SLC6A11: variants seen among roughly 807,000 people sequenced by gnomAD.
SLC6A11 encodes solute carrier family 6 member 11.
SLC6A11 carries 25 observed loss-of-function variants against 74.8 expected under a neutral mutation model. The observed-to-expected ratio is 0.33, with a 90% CI of 0.24 to 0.47. The LOEUF is 0.47. Among genes scored for constraint, SLC6A11 ranks in the 20% least tolerant of loss-of-function variants. SLC6A11 has a pLI of 1.00. For missense variants in SLC6A11, 574 were observed against 837.0 expected (o/e 0.69, Z 3.88); for synonymous variants, 330 against 330.2 (o/e 1.00, Z 0.01).
chr3:10,877,199 T>C lies in SLC6A11; in HGVS notation c.891+2104T>C, dbSNP rs138021618. On this transcript the variant is annotated intron_variant, in intron 6 of 13. Transcript: ENST00000254488. Reference sequence around the variant, plus strand: ...GCTGTTCTAGCACTCAAAGGCAGAGTTGAGTAGTTGAGACAGAAACCCTAT... The same window carrying C: ...GCTGTTCTAGCACTCAAAGGCAGAGCTGAGTAGTTGAGACAGAAACCCTAT... 9.6e-4 allele frequency among the ~76,000 whole-genome samples: 146 copies of C among 152,206 alleles called. 1 individual carries two copies. The Middle Eastern group carries it at 0.014, about 14-fold the overall frequency.
At position 10,915,489 on chromosome 3, in the gene SLC6A11, A is replaced by G. The variant is rs1695442593; in HGVS notation, c.996-2840A>G. Among the ~76,000 whole-genome samples the G allele has an allele frequency of 6.6e-6, 1 of 152,222 alleles. No individual in the cohort carries two copies. The highest frequency in any genetic ancestry group is 2.4e-5 in the African/African-American group (1 of 41,462). On this transcript the variant is annotated intron_variant, in intron 7 of 13. Transcript: ENST00000254488. This position sits in a 1 kb window ranked among gnomAD's most constrained non-coding sequence, Gnocchi z 4.3. ...TAGTACCCTCTCTCCTGACAGCATA[A>G]TAGCTTCTGGAGGTCTTAAAAGCCC...
chr3:10,898,089 C>A (rs908755155), intron 6 of SLC6A11, among the ~76,000 whole-genome samples: 1 of 152,156 alleles, frequency 6.6e-6, no homozygotes, highest in Non-Finnish European at 1.5e-5. Flanking sequence ...GGCTGGGACA[C>A]AAGGCACCAT....
At chr3:10,865,227 A>G (rs1301682632) in intron 5 of SLC6A11, among the ~76,000 whole-genome samples, 2 of 152,250 alleles carry the variant, frequency 1.3e-5, no homozygotes, top group African/African-American at 2.4e-5. Context: ...TGAAATAGGC[A>G]TTATCCTCAT....
At chr3:10,932,453 C>CT (rs937097651) in intron 10 of SLC6A11, among the ~76,000 whole-genome samples, 2 of 152,174 alleles carry the variant, frequency 1.3e-5, no homozygotes, top group African/African-American at 4.8e-5. Context: ...CCACTCCCCT[C>CT]TTTTTTTAAT....
intron 3 of SLC6A11, among the ~76,000 whole-genome samples, chr3:10,821,103 A>G (rs570786468): frequency 2.9e-4 from 44 of 152,148 alleles, no homozygotes; most frequent in Admixed American, 4.6e-4. Context: ...TTAGGGCCCT[A>G]GTTTTTAACC....
At chr3:10,898,083 G>A (rs1304502393) in intron 6 of SLC6A11, among the ~76,000 whole-genome samples, 1 of 152,188 alleles carries the variant, frequency 6.6e-6, no homozygotes, top group Admixed American at 6.5e-5. Flanking sequence ...TGGAGTGGCT[G>A]GGACACAAGG....
chr3:10,905,204 G>C (rs926649162), intron 6 of SLC6A11, among the ~76,000 whole-genome samples: 6 of 152,228 alleles, frequency 3.9e-5, no homozygotes, highest in Non-Finnish European at 7.3e-5. Flanking sequence ...CTGTGTTCAT[G>C]TCATTTATTT....
At chr3:10,871,799 T>A (rs966253773) in intron 5 of SLC6A11, among the ~76,000 whole-genome samples, 13 of 152,342 alleles carry the variant, frequency 8.5e-5, no homozygotes, top group Admixed American at 5.9e-4. Context: ...TTGTGTTGAT[T>A]ACTTGACATG....
At chr3:10,818,728 T>C (rs561887817) in intron 1 of SLC6A11, among the ~76,000 whole-genome samples, 4 of 152,292 alleles carry the variant, frequency 2.6e-5, no homozygotes, top group Admixed American at 2.6e-4. Context: ...TTTGGAAAAA[T>C]CCCCATTCTG....
chr3:10,838,709 A>T (rs1473909167), intron 4 of SLC6A11, among the ~76,000 whole-genome samples: 2 of 152,194 alleles, frequency 1.3e-5, no homozygotes, highest in African/African-American at 4.8e-5. Flanking sequence ...AGATTGTACC[A>T]CTGCACCCCA....
intron 6 of SLC6A11, among the ~76,000 whole-genome samples, chr3:10,892,090 AAG>A (rs1337111396): frequency 1.3e-5 from 2 of 152,246 alleles, no homozygotes; most frequent in Non-Finnish European, 2.9e-5. Flanking sequence ...ACAGCTTTGT[AAG>A]AGAGCAGGAA....
chr3:10,816,570 G>C lies in SLC6A11; in HGVS notation c.256+49G>C. ...GGAGGGGGCGCCAACCGCCCGGTGG[G>C]GGCGGGGAGCCAGGGGCGAGCGCGA... On this transcript the variant is annotated intron_variant, in intron 1 of 13. Coordinates refer to ENST00000254488, the MANE Select transcript of SLC6A11 (RefSeq NM_014229.3). This position sits in a 1 kb window ranked among gnomAD's most constrained non-coding sequence, Gnocchi z 4.2. The C allele has an allele frequency of 1.3e-6, 2 of 1,508,608 alleles. No individual in the cohort carries two copies. The highest frequency in any genetic ancestry group is 1.8e-6 in the Non-Finnish European group (2 of 1,125,408). The allele number at this position is 1,508,608 out of a possible 1,614,324, so 93.5% of individuals were successfully genotyped here.
At chr3:10,887,725 G>A (rs1237115310) in intron 6 of SLC6A11, among the ~76,000 whole-genome samples, 1 of 152,196 alleles carries the variant, frequency 6.6e-6, no homozygotes, top group Non-Finnish European at 1.5e-5. Flanking sequence ...TTACAGGTGT[G>A]AGCTACCGTG....
chr3:10,897,139 A>G (rs189945953), intron 6 of SLC6A11, among the ~76,000 whole-genome samples: 53 of 152,286 alleles, frequency 3.5e-4, no homozygotes, highest in African/African-American at 1.3e-3. Context: ...CCATGATTCA[A>G]TTACCTCCCA....
chr3:10,874,089 A>C (rs115137241), intron 5 of SLC6A11, among the ~76,000 whole-genome samples: 1 of 152,158 alleles, frequency 6.6e-6, no homozygotes, highest in Non-Finnish European at 1.5e-5. Context: ...TTAACTATGC[A>C]TACTTAACTT....
chr3:10,929,266 G>T lies in SLC6A11; in HGVS notation c.1298G>T (p.Gly433Val). ...ATGTACCCCAAGGTTTTCCGGAGGG[G>T]TTACCGGCGGGAGCTGCTCATCCTA... ...VDMYPKVFRR[G>V]YRRELLILAL... The change falls in exon 10 of 14, where the codon GGT becomes GTT. Residue 433 changes from glycine to valine, a missense_variant. Around this residue, in one of 4 missense-constraint regions of SLC6A11, gnomAD observed 257 missense variants for 341.5 expected, o/e 0.75. Coordinates refer to ENST00000254488, the MANE Select transcript of SLC6A11 (RefSeq NM_014229.3). 6.2e-7 allele frequency: 1 copy of T among 1,614,136 alleles called. No individual in the cohort carries two copies. Among genetic ancestry groups the T allele is most frequent in the Non-Finnish European group, 8.5e-7 (1 of 1,180,018 alleles).
intron 6 of SLC6A11, among the ~76,000 whole-genome samples, chr3:10,884,412 C>T (rs1695018392): frequency 6.6e-6 from 1 of 152,200 alleles, no homozygotes; most frequent in African/African-American, 2.4e-5. Context: ...AGGTAAAATT[C>T]TTATGACCTA....
At chr3:10,925,286 C>A (rs906386330) in intron 8 of SLC6A11, among the ~76,000 whole-genome samples, 3 of 152,232 alleles carry the variant, frequency 2.0e-5, no homozygotes, top group Non-Finnish European at 4.4e-5. Flanking sequence ...TTTATTGTGT[C>A]ATCTCACTGA....
chr3:10,878,375 CA>C (rs1451352296), intron 6 of SLC6A11, among the ~76,000 whole-genome samples: 1 of 151,534 alleles, frequency 6.6e-6, no homozygotes, highest in Non-Finnish European at 1.5e-5. Context: ...TGTCCTTCCC[CA>C]ACTTGACTGA....
Sources: allele counts gnomAD v4.1 joint callset (sites outside exome capture counted in the v4.1 genomes callset), GRCh38; gene constraint gnomAD v4.1.1; regional missense constraint gnomAD v4.1.1; non-coding constraint Gnocchi (gnomAD v3.1); transcripts MANE v1.5; gene names NCBI Gene and HGNC (gene_info 2026-07-23, HGNC 2026-07-21).